ATP7A: variants seen among roughly 807,000 people sequenced by gnomAD.
ATP7A encodes the protein copper-transporting ATPase 1.
A neutral mutation model predicts 83.5 loss-of-function variants in ATP7A; 7 were observed. The ratio of observed to expected loss-of-function variants is 0.08; its 90% CI spans 0.05 to 0.16. The LOEUF (loss-of-function observed/expected upper bound fraction) is 0.16. Ranked by LOEUF, ATP7A falls within the 10% of genes least tolerant of loss-of-function variation. The pLI is 1.00. For synonymous variants in ATP7A, 354 were observed against 395.2 expected (o/e 0.90, Z 1.24); for missense variants, 940 against 1,120.8 (o/e 0.84, Z 2.30).
intron 1 of ATP7A, among the ~76,000 whole-genome samples, chrX:77,932,599 C>G (rs903832044): frequency 8.9e-6 from 1 of 112,599 alleles, no homozygotes; most frequent in Non-Finnish European, 1.9e-5. Context: ...CGCCACTGCA[C>G]TCCAGCCTGG....
intron 12 of ATP7A, among the ~76,000 whole-genome samples, chrX:78,017,298 C>A: frequency 8.9e-6 from 1 of 112,285 alleles, no homozygotes; most frequent in East Asian, 2.8e-4. Context: ...ACTGAGGCTG[C>A]AAAGAGCATC....
intron 1 of ATP7A, among the ~76,000 whole-genome samples, chrX:77,928,040 A>G: frequency 1.8e-5 from 2 of 110,549 alleles, no homozygotes; most frequent in African/African-American, 6.6e-5. Flanking sequence ...CAGAGCTTCA[A>G]TTATGGCTCA....
chrX:77,911,641 A>G (rs1367807132), intron 1 of ATP7A, among the ~76,000 whole-genome samples: 10 of 109,560 alleles, frequency 9.1e-5, no homozygotes, highest in African/African-American at 1.7e-4. Context: ...CCTGGCCTCA[A>G]AAGAGTTTAC....
chrX:77,930,884 C>T (rs781864332), intron 1 of ATP7A, among the ~76,000 whole-genome samples: 9 of 109,788 alleles, frequency 8.2e-5, no homozygotes, highest in Admixed American at 1.9e-4. Context: ...GCCTTTTCTA[C>T]ATAGGTGGTA....
Position 78,046,284 on chromosome X carries a change from A to G in ATP7A, c.4227-10A>G, listed in dbSNP as rs1557239082. On this transcript the variant is annotated splice_polypyrimidine_tract_variant and intron_variant, in intron 22 of 22. Coordinates refer to ENST00000341514, the MANE Select transcript of ATP7A (RefSeq NM_000052.7). ...TTATTTGAAACTAGCATACTTTTGCATATGTCCAGTTACAGGAAACCAACT... is the reference window on the plus strand; with the variant it reads ...TTATTTGAAACTAGCATACTTTTGCGTATGTCCAGTTACAGGAAACCAACT... 2 of 1,210,821 alleles carry G rather than the reference A, an allele frequency of 1.7e-6. No individual in the cohort carries two copies. The highest frequency in any genetic ancestry group is 1.1e-6 in the Non-Finnish European group (1 of 894,752).
At chrX:78,023,076 G>A (rs781870499) in intron 14 of ATP7A, among the ~76,000 whole-genome samples, 9 of 111,820 alleles carry the variant, frequency 8.0e-5, no homozygotes, top group Non-Finnish European at 1.5e-4. Context: ...AACTCACTTA[G>A]GATAATGGCC....
intron 14 of ATP7A, among the ~76,000 whole-genome samples, chrX:78,026,160 C>A (rs781976887): frequency 9.0e-6 from 1 of 111,425 alleles, no homozygotes; most frequent in South Asian, 3.7e-4. Flanking sequence ...AATAAAAAAA[C>A]AAGATCCATC....
At chrX:77,974,148 G>GTTT (rs1327635291) in intron 2 of ATP7A, among the ~76,000 whole-genome samples, 1 of 99,918 alleles carries the variant, frequency 1.0e-5, no homozygotes, top group African/African-American at 3.6e-5. Context: ...AAGGTATATA[G>GTTT]TTTTTTTTTT....
At chrX:77,967,647 AGACCTTTGTCAGATG>A (rs1367995296) in intron 1 of ATP7A, among the ~76,000 whole-genome samples, 1 of 112,165 alleles carries the variant, frequency 8.9e-6, no homozygotes, top group Non-Finnish European at 1.9e-5. Flanking sequence ...TCTGGATATT[AGACCTTTGTCAGATG>A]GGTAGATTGC....
intron 1 of ATP7A, among the ~76,000 whole-genome samples, chrX:77,933,124 T>G (rs1557224742): frequency 8.9e-6 from 1 of 112,306 alleles, no homozygotes; most frequent in Non-Finnish European, 1.9e-5. Context: ...GCTTACTGTG[T>G]GCTTTACATG....
chrX:78,003,542 C>T (rs966023392), intron 6 of ATP7A, among the ~76,000 whole-genome samples: 4 of 110,274 alleles, frequency 3.6e-5, no homozygotes, highest in African/African-American at 1.3e-4. Flanking sequence ...GCATTAAAGA[C>T]TCAAATTTTA....
chrX:77,982,889 A>T (rs974951829), intron 2 of ATP7A, among the ~76,000 whole-genome samples: 5 of 112,129 alleles, frequency 4.5e-5, no homozygotes, highest in African/African-American at 9.7e-5. Context: ...TGGGTGGCTT[A>T]TAAACAACAG....
At chrX:78,043,530 G>A in intron 21 of ATP7A, 96 bp downstream of exon 21, 1 of 683,468 alleles carries the variant, frequency 1.5e-6, no homozygotes, top group East Asian at 3.3e-5. Flanking sequence ...TTTGAGCTTA[G>A]TTTTTGTTTG....
At chrX:78,028,219 G>A (rs1006590402) in intron 14 of ATP7A, among the ~76,000 whole-genome samples, 3 of 102,472 alleles carry the variant, frequency 2.9e-5, no homozygotes, top group Admixed American at 1.1e-4. Flanking sequence ...ACCGAGTTTC[G>A]CTCTTGTCAC....
At chrX:77,963,518 G>C (rs1456328797) in intron 1 of ATP7A, 1 of 112,217 alleles carries the variant, frequency 8.9e-6, no homozygotes, top group African/African-American at 3.2e-5. Context: ...GAAGGAAAAT[G>C]TTATCTTTTT....
intron 5 of ATP7A, among the ~76,000 whole-genome samples, chrX:77,999,629 C>G (rs1274564231): frequency 9.0e-6 from 1 of 111,386 alleles, no homozygotes; most frequent in Non-Finnish European, 1.9e-5. Flanking sequence ...GATGGCCAGG[C>G]ACGGTGACTC....
intron 1 of ATP7A, among the ~76,000 whole-genome samples, chrX:77,961,842 T>G (rs1416913883): frequency 4.5e-5 from 5 of 111,270 alleles, no homozygotes; most frequent in African/African-American, 6.5e-5. Flanking sequence ...TGTTCTCTTG[T>G]AGTAACTGAC....
intron 19 of ATP7A, among the ~76,000 whole-genome samples, 176 bp downstream of exon 19, chrX:78,040,909 G>C (rs1557238302): frequency 8.9e-6 from 1 of 112,117 alleles, no homozygotes; most frequent in Non-Finnish European, 1.9e-5. Context: ...TTTGTGTGTT[G>C]CTGTTATACG....
At position 78,015,896 on chromosome X, in the gene ATP7A, A is replaced by T. The variant is rs201612873; in HGVS notation, c.2626+15A>T. On this transcript the variant is annotated intron_variant, in intron 12 of 22. Coordinates refer to ENST00000341514, the MANE Select transcript of ATP7A (RefSeq NM_000052.7). ...CCTCATCACAGGTATGTTCTTTCAA[A>T]GGATCATGACCAAAATGTTAAGAAA... 1 of 1,210,689 alleles carries T rather than the reference A, an allele frequency of 8.3e-7. No individual in the cohort carries two copies. Among genetic ancestry groups the T allele is most frequent in the Non-Finnish European group, 1.1e-6 (1 of 894,752 alleles).
Sources: allele counts gnomAD v4.1 joint callset (sites outside exome capture counted in the v4.1 genomes callset), GRCh38; gene constraint gnomAD v4.1.1; transcripts MANE v1.5; gene names NCBI Gene and HGNC (gene_info 2026-07-23, HGNC 2026-07-21).